The following TRPM6 variants were observed in gnomAD, a reference collection of about 807,000 sequenced individuals.
TRPM6 encodes the protein channel kinase 2.
A neutral mutation model predicts 247.6 loss-of-function variants in TRPM6; 111 were observed. The ratio of observed to expected loss-of-function variants is 0.45; its 90% CI spans 0.38 to 0.52. TRPM6 has a LOEUF of 0.52. Among genes scored for constraint, TRPM6 ranks in the 20% least tolerant of loss-of-function variants. The pLI, the probability that TRPM6 is intolerant of heterozygous loss-of-function variation, is 0.00. For synonymous variants in TRPM6, 892 were observed against 853.8 expected (o/e 1.04, Z -0.78); for missense variants, 2,126 against 2,421.5 (o/e 0.88, Z 2.56).
intron 30 of TRPM6, among the ~76,000 whole-genome samples, chr9:74,750,221 T>A (rs1289585591): frequency 6.6e-6 from 1 of 152,146 alleles, no homozygotes; most frequent in Non-Finnish European, 1.5e-5. Flanking sequence ...ACAAAAAAGA[T>A]ATGCCTTATA....
chr9:74,749,397 G>A (rs1482590036), intron 30 of TRPM6, among the ~76,000 whole-genome samples: 3 of 152,178 alleles, frequency 2.0e-5, no homozygotes, highest in African/African-American at 7.2e-5. Context: ...TTGAAAAGCA[G>A]TTGTTGTTTT....
intron 23 of TRPM6, among the ~76,000 whole-genome samples, chr9:74,780,026 G>A (rs1213302574): frequency 7.9e-5 from 12 of 152,036 alleles, no homozygotes; most frequent in Admixed American, 7.9e-4. Context: ...ACAAAAATTA[G>A]CCGGGTGTGG....
Position 74,738,457 on chromosome 9 carries a change from T to G in TRPM6, c.5726A>C (p.His1909Pro). ...TCCCCGAGTGTACTCATAGGTCCAG[T>G]GAGAGAAAGCCAACATCAGCTCCTC... Reference protein sequence around the residue: ...TLEELMLAFSHWTYEYTRGEL... With the variant: ...TLEELMLAFSPWTYEYTRGEL... Residue 1909 changes from histidine (H) to proline (P), a missense_variant, in exon 36 of 39, where the codon CAC (histidine) becomes CCC (proline). Physicochemically the swap from His to Pro is moderately conservative, Grantham distance 77 (BLOSUM62 -2). This residue lies in a region of TRPM6 where 327 missense variants were observed against 397.7 expected (regional missense o/e 0.82). Transcript: ENST00000360774. The G allele has an allele frequency of 6.2e-7, 1 of 1,614,090 alleles. No individual in the cohort carries two copies. Among genetic ancestry groups the G allele is most frequent in the South Asian group, 1.1e-5 (1 of 91,082 alleles).
At chr9:74,858,466 G>A (rs927083926) in intron 2 of TRPM6, among the ~76,000 whole-genome samples, 3 of 152,206 alleles carry the variant, frequency 2.0e-5, no homozygotes, top group Non-Finnish European at 2.9e-5. Flanking sequence ...TAAGAGTAAG[G>A]TAAAAATGGA....
intron 1 of TRPM6, among the ~76,000 whole-genome samples, chr9:74,860,233 T>A (rs990859553): frequency 2.0e-5 from 3 of 152,254 alleles, no homozygotes; most frequent in Admixed American, 1.3e-4. Flanking sequence ...TCTTTTTGCA[T>A]GCTCAGCAGC....
intron 14 of TRPM6, chr9:74,804,640 T>C: frequency 1.3e-6 from 1 of 748,212 alleles, no homozygotes; most frequent in Non-Finnish European, 2.4e-6. Context: ...TCTGAAGGCA[T>C]GAAGGTGTCC....
At chr9:74,784,016 G>C (rs1184895986) in intron 21 of TRPM6, among the ~76,000 whole-genome samples, 1 of 152,196 alleles carries the variant, frequency 6.6e-6, no homozygotes, top group Non-Finnish European at 1.5e-5. Context: ...AGCACTTTGG[G>C]AGGCCGAGGC....
At chr9:74,742,431 T>A in intron 33 of TRPM6, 130 bp downstream of exon 33, 1 of 838,348 alleles carries the variant, frequency 1.2e-6, no homozygotes, top group Non-Finnish European at 2.0e-6. Context: ...AGGAAATGAA[T>A]CTCACTAAAC....
At chr9:74,819,301 C>T (rs1444914310) in intron 9 of TRPM6, among the ~76,000 whole-genome samples, 3 of 149,588 alleles carry the variant, frequency 2.0e-5, no homozygotes, top group South Asian at 2.1e-4. Flanking sequence ...AGAGTGAGGC[C>T]CTGTCTCAAA....
chr9:74,824,513 A>G (rs1829260934), intron 7 of TRPM6, among the ~76,000 whole-genome samples: 1 of 13,688 alleles, frequency 7.3e-5, no homozygotes, highest in African/African-American at 1.1e-3. Context: ...CTTTTTCTGA[A>G]AAAAAAAAAA....
At chr9:74,860,452 G>A (rs886897548) in intron 1 of TRPM6, among the ~76,000 whole-genome samples, 1 of 152,022 alleles carries the variant, frequency 6.6e-6, no homozygotes, top group African/African-American at 2.4e-5. Flanking sequence ...ACTGCCTCTA[G>A]GTTTCAAGCG....
Position 74,752,313 on chromosome 9 carries a change from A to G in TRPM6, c.4962T>C (p.Ala1654=). Residue 1654 remains alanine, a synonymous_variant, in exon 29 of 39, where the codon GCT becomes GCC. Coordinates refer to ENST00000360774, the MANE Select transcript of TRPM6 (RefSeq NM_017662.5). ...GCTTTAGGTAATCACTGATTTGTAT[A>G]GCACATTGTCCAATTTCTTTAGTTT... is the stretch of plus-strand genomic sequence containing the variant. ...KMKTKEIGQC[A]IQISDYLKQS... 1 of 1,602,418 alleles carries G rather than the reference A, an allele frequency of 6.2e-7. No homozygotes were observed. The highest frequency in any genetic ancestry group is 2.2e-5 in the East Asian group (1 of 44,772).
chr9:74,761,367 T>G (rs1340362754), intron 27 of TRPM6, among the ~76,000 whole-genome samples: 3 of 152,200 alleles, frequency 2.0e-5, no homozygotes, highest in Non-Finnish European at 4.4e-5. Context: ...CCAAATGTCC[T>G]TCAACATGTT....
intron 4 of TRPM6, among the ~76,000 whole-genome samples, chr9:74,841,627 C>T (rs1380477494): frequency 6.6e-6 from 1 of 152,048 alleles, no homozygotes; most frequent in Non-Finnish European, 1.5e-5. Flanking sequence ...GCCTCAGCCT[C>T]CCAAGTAGCT....
Position 74,738,570 on chromosome 9 carries a change from C to T in TRPM6, c.5613G>A (p.Gln1871=). The T allele has an allele frequency of 6.2e-7, 1 of 1,614,094 alleles. No homozygotes were observed. Among genetic ancestry groups the T allele is most frequent in the Middle Eastern group, 1.6e-4 (1 of 6,062 alleles). ...VFLIYCHSAN[Q]WLTIEKYMTG... is the part of the protein sequence containing the mutation. ...TCATATACTTCTCAATGGTCAACCACTGGTTGGCTGAATGGCAGTAGATTA... is the reference window on the plus strand; with the variant it reads ...TCATATACTTCTCAATGGTCAACCATTGGTTGGCTGAATGGCAGTAGATTA... Residue 1871 remains glutamine (Q), a synonymous_variant, in exon 36 of 39, where the codon CAG becomes CAA. Coordinates refer to ENST00000360774, the MANE Select transcript of TRPM6 (RefSeq NM_017662.5).
intron 21 of TRPM6, among the ~76,000 whole-genome samples, chr9:74,783,993 C>A (rs1007609556): frequency 6.6e-6 from 1 of 152,188 alleles, no homozygotes; most frequent in Non-Finnish European, 1.5e-5. Flanking sequence ...CAGTAGCTCA[C>A]GCCTGTAATC....
intron 15 of TRPM6, 44 bp downstream of exon 15, chr9:74,803,750 C>CA: frequency 7.2e-7 from 1 of 1,394,710 alleles, no homozygotes. Context: ...TCTCGAGCTG[C>CA]AAAAAACATT....
intron 17 of TRPM6, 90 bp from the exon 18 acceptor site, chr9:74,796,983 A>G (rs2118988706): frequency 1.7e-6 from 2 of 1,199,282 alleles, no homozygotes; most frequent in South Asian, 2.5e-5. Flanking sequence ...CAGTGTATAT[A>G]AAATGCCAGA....
intron 5 of TRPM6, among the ~76,000 whole-genome samples, chr9:74,839,225 G>T (rs1358390377): frequency 1.3e-5 from 2 of 152,080 alleles, no homozygotes; most frequent in Admixed American, 6.5e-5. Flanking sequence ...AGAAGCTCCT[G>T]ACTAAAAGCC....
Sources: gnomAD v4.1 joint callset for allele counts (sites outside exome capture counted in the v4.1 genomes callset) on GRCh38, gnomAD v4.1.1 for gene constraint, gnomAD v4.1.1 regional missense constraint, MANE v1.5 for transcripts, NCBI Gene and HGNC (gene_info 2026-07-23, HGNC 2026-07-21) for gene names.